The following HDAC9 variants were observed in gnomAD, a reference collection of about 807,000 sequenced individuals.
The protein encoded by HDAC9 is histone deacetylase 9, also known as MEF-2 interacting transcription repressor (MITR) protein.
In HDAC9, 41 loss-of-function variants were observed where a neutral mutation model predicts 139.4. That is an observed-to-expected ratio of 0.29 (90% confidence interval 0.23 to 0.38). The LOEUF (loss-of-function observed/expected upper bound fraction) is 0.38. Among genes scored for constraint, HDAC9 ranks in the 10% least tolerant of loss-of-function variants. The probability of loss-of-function intolerance (pLI) is 1.00; values close to 1 mark genes in which losing one functional copy is unlikely to be tolerated. For synonymous variants in HDAC9, 517 were observed against 476.2 expected (o/e 1.09, Z -1.12); for missense variants, 1,147 against 1,297.0 (o/e 0.88, Z 1.78).
intron 12 of HDAC9, among the ~76,000 whole-genome samples, chr7:18,684,776 T>TTATATG (rs1178105231): frequency 2.0e-5 from 3 of 151,934 alleles, no homozygotes; most frequent in African/African-American, 7.3e-5. Flanking sequence ...ACACATATAT[T>TTATATG]TATATGTATA....
intron 23 of HDAC9, among the ~76,000 whole-genome samples, chr7:18,947,922 A>G (rs537595880): frequency 5.3e-5 from 8 of 152,164 alleles, no homozygotes; most frequent in African/African-American, 1.9e-4. Context: ...TAGAAATATA[A>G]CATATCAACT....
At chr7:18,116,641 T>A (rs1200452295) in intron 1 of HDAC9, among the ~76,000 whole-genome samples, 3 of 152,126 alleles carry the variant, frequency 2.0e-5, no homozygotes, top group Non-Finnish European at 2.9e-5. Flanking sequence ...ATAATAAAAA[T>A]TTATTTTTTT....
At chr7:18,230,047 A>G (rs1793343600) in intron 2 of HDAC9, among the ~76,000 whole-genome samples, 1 of 152,204 alleles carries the variant, frequency 6.6e-6, no homozygotes, top group Non-Finnish European at 1.5e-5. Context: ...TTTAGTGTTT[A>G]TAAGATTTAA....
At chr7:18,987,110 G>T (rs375491132) in intron 25 of HDAC9, among the ~76,000 whole-genome samples, 24 of 152,292 alleles carry the variant, frequency 1.6e-4, no homozygotes, top group South Asian at 2.1e-4. Flanking sequence ...CTATGTTGAA[G>T]AGGAGTGGTG....
intron 22 of HDAC9, among the ~76,000 whole-genome samples, chr7:18,895,561 G>A (rs1271187068): frequency 6.6e-6 from 1 of 152,230 alleles, no homozygotes; most frequent in South Asian, 2.1e-4. Flanking sequence ...CTAAAGATCA[G>A]CTCATGAAGT....
chr7:18,401,301 T>G (rs1207241719), intron 1 of HDAC9, among the ~76,000 whole-genome samples: 1 of 152,200 alleles, frequency 6.6e-6, no homozygotes, highest in Admixed American at 6.5e-5. Flanking sequence ...CTACTCTGTA[T>G]ACATCTTTTG....
At chr7:18,290,152 C>G (rs1320133536), upstream of HDAC9, 5 of 188,016 alleles carry the variant, frequency 2.7e-5, no homozygotes, top group Admixed American at 1.6e-4. Flanking sequence ...TCCTCCTCCT[C>G]ATTCTGTTGA....
chr7:18,128,457 C>T (rs553351133), intron 1 of HDAC9, among the ~76,000 whole-genome samples: 19 of 152,022 alleles, frequency 1.2e-4, no homozygotes, highest in Admixed American at 1.0e-3. Flanking sequence ...GAATGATAGC[C>T]GAGGTCTTTA....
intron 25 of HDAC9, among the ~76,000 whole-genome samples, chr7:18,987,141 G>C (rs1432824418): frequency 6.6e-6 from 1 of 152,210 alleles, no homozygotes; most frequent in Non-Finnish European, 1.5e-5. Flanking sequence ...TCCCTGGCTT[G>C]TGCCAGTGTT....
chr7:18,949,122 G>T (rs1393021146), intron 23 of HDAC9: 6 of 293,322 alleles, frequency 2.0e-5, no homozygotes, highest in South Asian at 2.0e-4. Context: ...TGACCTTTTG[G>T]GTCTTGATGT....
At chr7:18,795,152 G>A (rs1231582592) in intron 17 of HDAC9, among the ~76,000 whole-genome samples, 2 of 149,512 alleles carry the variant, frequency 1.3e-5, no homozygotes, top group Non-Finnish European at 3.0e-5. Flanking sequence ...ACCACCAGCT[G>A]TAGTAACATC....
chr7:18,634,631 C>G lies in HDAC9; in HGVS notation c.801C>G (p.Ser267=). Residue 267 remains serine (S), a synonymous_variant, in exon 8 of 26, where the codon TCC becomes TCG. Coordinates refer to ENST00000686413, the MANE Select transcript of HDAC9 (RefSeq NM_178425.4). ...FKKRMFEVTE[S]SVSSSSPGSG... ...GTACTTCACAATATTTTTCAGAATC[C>G]TCAGTCAGTAGCAGTTCTCCAGGCT... 1 of 1,569,068 alleles carries G rather than the reference C, an allele frequency of 6.4e-7. No homozygotes were observed.
Position 18,911,156 on chromosome 7 carries a change from T to C in HDAC9, c.2804-24653T>C, listed in dbSNP as rs1802703243. On this transcript the variant is annotated intron_variant, in intron 22 of 25. Transcript: ENST00000686413. ...TTATTGGTCTGTTCAGGCTTTTTTT[T>C]TTTTTTCTGGTTTAATCATGGTAGG... is the stretch of plus-strand genomic sequence containing the variant. Among the ~76,000 whole-genome samples, 3 of 151,496 alleles carry C rather than the reference T, an allele frequency of 2.0e-5. No homozygotes were observed. In the South Asian group the frequency reaches 6.2e-4, roughly 31 times the overall value.
intron 7 of HDAC9, among the ~76,000 whole-genome samples, chr7:18,629,713 C>G (rs765519605): frequency 6.6e-6 from 1 of 152,074 alleles, no homozygotes; most frequent in African/African-American, 2.4e-5. Context: ...CAAGGCATAA[C>G]TAGGGAACAC....
intron 12 of HDAC9, among the ~76,000 whole-genome samples, chr7:18,715,843 G>T (rs1404230032): frequency 6.6e-6 from 1 of 151,960 alleles, no homozygotes; most frequent in Admixed American, 6.6e-5. Flanking sequence ...GAAAACTATA[G>T]ACTAAATCTT....
intron 21 of HDAC9, among the ~76,000 whole-genome samples, chr7:18,855,163 C>A (rs1020951641): frequency 1.3e-5 from 2 of 152,166 alleles, no homozygotes; most frequent in Non-Finnish European, 2.9e-5. Context: ...CTCTATCACA[C>A]AACCAATGAA....
intron 2 of HDAC9, among the ~76,000 whole-genome samples, chr7:18,529,663 T>C (rs2128232923): frequency 6.6e-6 from 1 of 152,356 alleles, no homozygotes; most frequent in East Asian, 1.9e-4. Flanking sequence ...ATTTCATCCA[T>C]AGACTTGTTT....
At chr7:18,164,260 A>G (rs971671362) in intron 2 of HDAC9, among the ~76,000 whole-genome samples, 4 of 152,210 alleles carry the variant, frequency 2.6e-5, no homozygotes, top group Non-Finnish European at 5.9e-5. Flanking sequence ...GAGACCTGAA[A>G]TTCACTTTGC....
chr7:18,742,410 A>T lies in HDAC9; in HGVS notation c.1910-6595A>T, dbSNP rs148962229. Among the ~76,000 whole-genome samples the T allele has an allele frequency of 1.5e-3, 232 of 152,316 alleles. 1 individual carries two copies. The highest frequency in any genetic ancestry group is 5.2e-3 in the African/African-American group (218 of 41,576). On this transcript the variant is annotated intron_variant, in intron 13 of 25. Coordinates refer to ENST00000686413, the MANE Select transcript of HDAC9 (RefSeq NM_178425.4). ...TTATTAGCACTTTAGCAATAAATTA[A>T]TTTTTAATTAAGGTATGTACATTGG...
Sources: allele counts gnomAD v4.1 joint callset (sites outside exome capture counted in the v4.1 genomes callset), GRCh38; gene constraint gnomAD v4.1.1; transcripts MANE v1.5; gene names NCBI Gene and HGNC (gene_info 2026-07-23, HGNC 2026-07-21).